Variants in IQGAP2 observed in about 807,000 individuals in gnomAD.
The protein encoded by IQGAP2 is IQ motif containing GTPase activating protein 2.
A neutral mutation model predicts 201.3 loss-of-function variants in IQGAP2; 173 were observed. The observed-to-expected ratio is 0.86, with a 90% CI of 0.76 to 0.98. The LOEUF (loss-of-function observed/expected upper bound fraction) is 0.98, where lower values mean the gene tolerates loss of function less well. Among genes scored for constraint, IQGAP2 ranks in the 50% least tolerant of loss-of-function variants. The pLI, the probability that IQGAP2 is intolerant of heterozygous loss-of-function variation, is 0.00. For missense variants in IQGAP2, 1,687 were observed against 1,864.8 expected (o/e 0.90, Z 1.76); for synonymous variants, 675 against 673.9 (o/e 1.00, Z -0.03).
In IQGAP2 at chr5:76,695,790, C is replaced by T. The variant is rs1386536552; in HGVS notation, c.4206+124C>T. ...GGTTGCATATGCTGTGGTTACTGCC[C>T]TCTTCAATGCTACAGATTTTTCAAG... On this transcript the variant is annotated intron_variant, in intron 32 of 35. Coordinates refer to ENST00000274364, the MANE Select transcript of IQGAP2 (RefSeq NM_006633.5). The T allele has an allele frequency of 3.6e-5, 23 of 641,726 alleles. 1 individual carries two copies. The East Asian group carries it at 5.4e-4, about 15-fold the overall frequency. 39.8% of individuals were successfully genotyped at this position (641,726 alleles called of 1,614,324 possible). A position where few individuals can be genotyped will look rare whatever the true frequency, so the allele number is the denominator to read the frequency against.
chr5:76,428,923 C>T (rs1159487774), intron 1 of IQGAP2, among the ~76,000 whole-genome samples: 1 of 151,674 alleles, frequency 6.6e-6, no homozygotes, highest in East Asian at 2.0e-4. Flanking sequence ...TGAAACCCCA[C>T]CTCTGCTAAA....
chr5:76,508,464 C>T (rs546573419), intron 2 of IQGAP2, among the ~76,000 whole-genome samples: 15 of 152,086 alleles, frequency 9.9e-5, no homozygotes, highest in Non-Finnish European at 1.6e-4. Flanking sequence ...TCACTATATA[C>T]GTCTTAGAAT....
At chr5:76,483,214 T>G (rs1159579136) in intron 2 of IQGAP2, among the ~76,000 whole-genome samples, 2 of 152,160 alleles carry the variant, frequency 1.3e-5, no homozygotes, top group African/African-American at 4.8e-5. Flanking sequence ...TGGAGTAGGT[T>G]TATGCAGGGA....
At position 76,477,483 on chromosome 5, in the gene IQGAP2, T is replaced by C. The variant is rs1237638907; in HGVS notation, c.146+15814T>C. ...GGCTGAAAAATTCCCAATCAAAGCATTACTCACGTGTTTGTGGTGATGCTG... is the reference window on the plus strand; with the variant it reads ...GGCTGAAAAATTCCCAATCAAAGCACTACTCACGTGTTTGTGGTGATGCTG... On this transcript the variant is annotated intron_variant, in intron 2 of 35. Transcript: ENST00000274364. Among the ~76,000 whole-genome samples, 8 of 152,206 alleles carry C rather than the reference T, an allele frequency of 5.3e-5. No individual in the cohort carries two copies. The East Asian group carries it at 5.8e-4, about 11-fold the overall frequency.
chr5:76,640,410 A>G (rs903723004), intron 16 of IQGAP2, among the ~76,000 whole-genome samples: 2 of 152,142 alleles, frequency 1.3e-5, no homozygotes, highest in African/African-American at 4.8e-5. Context: ...TATCCTTAAT[A>G]GCACTTATCT....
intron 5 of IQGAP2, among the ~76,000 whole-genome samples, chr5:76,576,459 G>T (rs970916559): frequency 1.3e-5 from 2 of 152,184 alleles, no homozygotes; most frequent in Non-Finnish European, 2.9e-5. Flanking sequence ...AATCCAGTTT[G>T]TGGCTGTTGT....
chr5:76,643,750 T>G (rs1457259393), intron 17 of IQGAP2, among the ~76,000 whole-genome samples: 7 of 152,122 alleles, frequency 4.6e-5, no homozygotes, highest in Non-Finnish European at 1.0e-4. Flanking sequence ...ATTATTGAAC[T>G]TCAGCTCAGG....
intron 2 of IQGAP2, among the ~76,000 whole-genome samples, chr5:76,463,636 G>A (rs1170941841): frequency 6.6e-6 from 1 of 152,098 alleles, no homozygotes; most frequent in Non-Finnish European, 1.5e-5. Context: ...TTGAAATTCT[G>A]TAGTTGAATT....
intron 1 of IQGAP2, 22 bp from the exon 2 acceptor site, chr5:76,461,546 CAT>C: frequency 6.5e-7 from 1 of 1,544,706 alleles, no homozygotes; most frequent in Non-Finnish European, 8.9e-7. Context: ...TTGTAAATCA[CAT>C]GTTGTTATCC....
In IQGAP2 at chr5:76,627,399, A is replaced by G. The variant is rs763404265; in HGVS notation, c.1522-11A>G. On this transcript the variant is annotated splice_polypyrimidine_tract_variant and intron_variant, in intron 13 of 35. Transcript: ENST00000274364. ...CTCTTCTTTCTTTTTATTCTGTGAC[A>G]TTGTCCCCAGGACTCTGAGAGTGTT... 3 of 1,559,042 alleles carry G rather than the reference A, an allele frequency of 1.9e-6. No homozygotes were observed. Among genetic ancestry groups the G allele is most frequent in the Admixed American group, 3.3e-5 (2 of 59,718 alleles).
At chr5:76,589,016 A>G (rs748972150) in intron 6 of IQGAP2, 43 bp downstream of exon 6, 1 of 1,387,240 alleles carries the variant, frequency 7.2e-7, no homozygotes, top group Non-Finnish European at 1.0e-6. Context: ...TCTAGTTATA[A>G]AAAGTACCAA....
chr5:76,558,070 G>A (rs574833765), intron 2 of IQGAP2, among the ~76,000 whole-genome samples: 32 of 152,282 alleles, frequency 2.1e-4, no homozygotes, highest in African/African-American at 7.2e-4. Flanking sequence ...CTCCCAAAGC[G>A]TTGGGATTAC....
intron 1 of IQGAP2, among the ~76,000 whole-genome samples, chr5:76,408,993 C>T (rs183983763): frequency 5.3e-3 from 800 of 151,994 alleles, no homozygotes; most frequent in Non-Finnish European, 8.6e-3. Flanking sequence ...GGGGTTTCCC[C>T]GTGTGGTCAG....
intron 27 of IQGAP2, 137 bp downstream of exon 27, chr5:76,674,846 G>A: frequency 1.5e-6 from 1 of 653,084 alleles, no homozygotes; most frequent in Non-Finnish European, 2.7e-6. Flanking sequence ...ACCAGCCACT[G>A]GGGAAAGAGG....
chr5:76,434,330 C>A (rs1434014947), intron 1 of IQGAP2, among the ~76,000 whole-genome samples: 1 of 151,950 alleles, frequency 6.6e-6, no homozygotes, highest in Admixed American at 6.6e-5. Context: ...AGTTTTATAT[C>A]CCTATTTCCC....
chr5:76,410,417 C>A (rs1304129639), intron 1 of IQGAP2, among the ~76,000 whole-genome samples: 3 of 151,952 alleles, frequency 2.0e-5, no homozygotes, highest in Non-Finnish European at 2.9e-5. Context: ...AAAAAAGAAA[C>A]ACCCCAAACT....
In IQGAP2 at chr5:76,658,409, A is replaced by G. The variant is rs777939237; in HGVS notation, c.2321-50A>G. The G allele has an allele frequency of 3.6e-6, 5 of 1,403,196 alleles. No individual in the cohort carries two copies. In the South Asian group the frequency reaches 5.9e-5, roughly 17 times the overall value. The allele number at this position is 1,403,196 out of a possible 1,614,324, so 86.9% of individuals were successfully genotyped here. ...AAGACCTTGTTTCTTTCCTGTTGAT[A>G]ATCATTCCAAGCTTTCCTAATTAAA... On this transcript the variant is annotated intron_variant, in intron 20 of 35. Transcript: ENST00000274364.
intron 5 of IQGAP2, among the ~76,000 whole-genome samples, chr5:76,576,192 C>A (rs983556854): frequency 6.0e-5 from 8 of 132,384 alleles, no homozygotes; most frequent in Non-Finnish European, 1.1e-4. Flanking sequence ...TAGTTCAATT[C>A]TTACAAATTA....
At chr5:76,590,714 A>G in intron 8 of IQGAP2, 128 bp downstream of exon 8, 1 of 699,628 alleles carries the variant, frequency 1.4e-6, no homozygotes, top group South Asian at 2.0e-5. Flanking sequence ...TAGACAATTG[A>G]TTTGAATGAA....
Sources: allele counts gnomAD v4.1 joint callset (sites outside exome capture counted in the v4.1 genomes callset), GRCh38; gene constraint gnomAD v4.1.1; transcripts MANE v1.5; gene names NCBI Gene and HGNC (gene_info 2026-07-23, HGNC 2026-07-21).